The following DPYS variants were observed in gnomAD, a reference collection of about 807,000 sequenced individuals.
DPYS encodes the protein dihydropyrimidine amidohydrolase.
In DPYS, 39 loss-of-function variants were observed where a neutral mutation model predicts 50.3. That is an observed-to-expected ratio of 0.78 (90% CI 0.60 to 1.01). DPYS has a LOEUF of 1.01. Ranked by LOEUF, DPYS falls within the 50% of genes least tolerant of loss-of-function variation. DPYS has a pLI of 0.00. For missense variants in DPYS, 659 were observed against 680.9 expected (o/e 0.97, Z 0.36); for synonymous variants, 245 against 250.7 (o/e 0.98, Z 0.22).
chr8:104,429,453 G>A, intron 5 of DPYS, 92 bp downstream of exon 5: 1 of 1,547,306 alleles, frequency 6.5e-7, no homozygotes, highest in East Asian at 2.2e-5. Flanking sequence ...AATACTGGGA[G>A]GTTAGTGGAG....
At chr8:104,431,620 G>A (rs1812959325) in intron 4 of DPYS, among the ~76,000 whole-genome samples, 1 of 152,006 alleles carries the variant, frequency 6.6e-6, no homozygotes, top group African/African-American at 2.4e-5. Flanking sequence ...GGATAATTCA[G>A]CATAATTATG....
chr8:104,459,899 T>C (rs1458375720), intron 1 of DPYS, among the ~76,000 whole-genome samples: 2 of 152,188 alleles, frequency 1.3e-5, no homozygotes, highest in African/African-American at 4.8e-5. Context: ...CTTTTCTCCC[T>C]GTGACCATCC....
rs1488848521 is a variant in DPYS, at chr8:104,451,343, G to A, written c.326C>T (p.Ser109Phe). The A allele has an allele frequency of 3.1e-6, 5 of 1,614,186 alleles. No homozygotes were observed. The highest frequency in any genetic ancestry group is 1.1e-5 in the South Asian group (1 of 91,080). ...IDFAIPQKGG[S>F]LIEAFETWRS... The stretch of plus-strand genomic sequence containing the variant: ...CCAGGTCTCGAAGGCCTCAATGAGG[G>A]AGCCACCTTTCTGAGGAATGGCGAA... Residue 109 changes from serine to phenylalanine, a missense_variant, in exon 2 of 10, where the codon TCC (serine) becomes TTC (phenylalanine). By Grantham distance (155) the Ser-to-Phe change is radical. Transcript: ENST00000351513.
chr8:104,421,176 G>T (rs1812527669), intron 7 of DPYS: 1 of 152,038 alleles, frequency 6.6e-6, no homozygotes, highest in Non-Finnish European at 1.5e-5. Context: ...GATAAAGAAG[G>T]CTTCATACTA....
At chr8:104,392,522 G>A (rs570226637) in intron 8 of DPYS, among the ~76,000 whole-genome samples, 20 of 152,118 alleles carry the variant, frequency 1.3e-4, no homozygotes, top group African/African-American at 4.8e-4. Flanking sequence ...TAACACAATT[G>A]CCAAAAGCCC....
intron 7 of DPYS, among the ~76,000 whole-genome samples, chr8:104,399,898 A>C (rs1032213657): frequency 2.0e-5 from 3 of 151,316 alleles, no homozygotes; most frequent in African/African-American, 7.3e-5. Flanking sequence ...AAAGAAAGAA[A>C]CTACTTTCCT....
At chr8:104,407,057 GA>G (rs2140560830) in intron 7 of DPYS, among the ~76,000 whole-genome samples, 1 of 152,358 alleles carries the variant, frequency 6.6e-6, no homozygotes, top group African/African-American at 2.4e-5. Flanking sequence ...TGCTAATAAG[GA>G]AAAGTATTCC....
chr8:104,443,871 C>T (rs549726020), intron 4 of DPYS, among the ~76,000 whole-genome samples: 1 of 152,082 alleles, frequency 6.6e-6, no homozygotes, highest in Non-Finnish European at 1.5e-5. Flanking sequence ...CCAGCCTGGG[C>T]GACAAAGTGA....
chr8:104,422,203 A>C (rs1812571888), intron 7 of DPYS, among the ~76,000 whole-genome samples: 1 of 152,228 alleles, frequency 6.6e-6, no homozygotes, highest in African/African-American at 2.4e-5. Context: ...CATATTATTA[A>C]GAATTAGACT....
At chr8:104,433,951 G>A (rs1306071762) in intron 4 of DPYS, among the ~76,000 whole-genome samples, 1 of 152,160 alleles carries the variant, frequency 6.6e-6, no homozygotes, top group African/African-American at 2.4e-5. Context: ...AATATTTGAA[G>A]AGATTCATTC....
intron 7 of DPYS, among the ~76,000 whole-genome samples, chr8:104,417,928 A>G (rs1161508813): frequency 6.6e-6 from 1 of 152,218 alleles, no homozygotes; most frequent in Non-Finnish European, 1.5e-5. Flanking sequence ...TACAGATTTA[A>G]AAGGAAAAAA....
chr8:104,438,529 C>T (rs1813231261), intron 4 of DPYS, among the ~76,000 whole-genome samples: 1 of 152,184 alleles, frequency 6.6e-6, no homozygotes, highest in African/African-American at 2.4e-5. Context: ...ATTTGAATAA[C>T]ACTAACTTGC....
chr8:104,384,431 A>G (rs963383822), intron 8 of DPYS, among the ~76,000 whole-genome samples: 3 of 152,218 alleles, frequency 2.0e-5, no homozygotes, highest in Non-Finnish European at 4.4e-5. Context: ...AAAATGGAAA[A>G]GTGATGGCAC....
At chr8:104,452,614 G>A (rs1259713467) in intron 1 of DPYS, among the ~76,000 whole-genome samples, 1 of 152,188 alleles carries the variant, frequency 6.6e-6, no homozygotes, top group African/African-American at 2.4e-5. Flanking sequence ...GGCTGAGACG[G>A]GAGGAGAGCT....
At chr8:104,439,326 T>C (rs1813261364) in intron 4 of DPYS, among the ~76,000 whole-genome samples, 1 of 152,142 alleles carries the variant, frequency 6.6e-6, no homozygotes. Context: ...AAGAATGAGC[T>C]GAGGGAGATA....
At chr8:104,456,744 C>A (rs1026652977) in intron 1 of DPYS, among the ~76,000 whole-genome samples, 2 of 152,190 alleles carry the variant, frequency 1.3e-5, no homozygotes, top group Non-Finnish European at 2.9e-5. Flanking sequence ...ACCTGGCTCA[C>A]AAATCAATTA....
intron 7 of DPYS, among the ~76,000 whole-genome samples, chr8:104,411,193 T>A (rs552837882): frequency 2.6e-5 from 4 of 152,346 alleles, no homozygotes; most frequent in Admixed American, 6.5e-5. Flanking sequence ...TATTTATGTC[T>A]CCCTCAGTAC....
intron 7 of DPYS, among the ~76,000 whole-genome samples, chr8:104,398,479 C>T (rs1811662812): frequency 6.6e-6 from 1 of 152,262 alleles, no homozygotes; most frequent in Middle Eastern, 3.2e-3. Flanking sequence ...ACCCAGTATC[C>T]TTTGATACAT....
Position 104,444,558 on chromosome 8 carries a change from GTGTGTC to G in DPYS, c.604-127_604-122del, listed in dbSNP as rs1813466312. 7.6e-6 allele frequency: 7 copies of G among 925,974 alleles called. No homozygotes were observed. The South Asian group carries it at 8.7e-5, about 12-fold the overall frequency. 57.4% of individuals were successfully genotyped at this position (925,974 alleles called of 1,614,324 possible). On this transcript the variant is annotated intron_variant, in intron 3 of 9. Coordinates refer to ENST00000351513, the MANE Select transcript of DPYS (RefSeq NM_001385.3). Reference sequence around the variant, plus strand: ...TGATCTGTTAGGTATAGGGGTGTGTGTGTGTCTGTGTGTGTGTGTATATGAACATAT... The same window carrying G: ...TGATCTGTTAGGTATAGGGGTGTGTGTGTGTGTGTGTGTATATGAACATAT...
Sources: allele counts gnomAD v4.1 joint callset (sites outside exome capture counted in the v4.1 genomes callset), GRCh38; gene constraint gnomAD v4.1.1; transcripts MANE v1.5; gene names NCBI Gene and HGNC (gene_info 2026-07-23, HGNC 2026-07-21).